Variants in FAM227B observed in about 807,000 individuals in gnomAD.
The protein encoded by FAM227B is protein FAM227B.
Under a neutral mutation model 73.8 loss-of-function variants are expected in FAM227B, and 88 were observed. The observed-to-expected ratio is 1.19, with a 90% confidence interval of 1.00 to 1.42. The LOEUF (loss-of-function observed/expected upper bound fraction) is 1.42, where lower values mean the gene tolerates loss of function less well. Among genes scored for constraint, FAM227B ranks in the 40% most tolerant of loss-of-function variants. FAM227B has a pLI of 0.00. For synonymous variants in FAM227B, 210 were observed against 190.5 expected, an observed-to-expected ratio of 1.10 and a Z score of -0.84; for missense variants, 632 against 590.9, an observed-to-expected ratio of 1.07 and a Z score of -0.72.
intron 11 of FAM227B, among the ~76,000 whole-genome samples, chr15:49,477,927 T>C (rs1449074360): frequency 6.6e-6 from 1 of 152,222 alleles, no homozygotes; most frequent in Admixed American, 6.5e-5. Flanking sequence ...TTTTAAATAA[T>C]TTCAACTTTT....
chr15:49,489,803 T>TTATATATATATATATATATTA (rs1197091289), intron 11 of FAM227B, among the ~76,000 whole-genome samples: 1 of 57,276 alleles, frequency 1.7e-5, no homozygotes, highest in Non-Finnish European at 3.7e-5. Context: ...TATATATATT[T>TTATATATATATATATATATTA]TATATATATA....
At chr15:49,554,533 G>A (rs1567566332) in intron 9 of FAM227B, among the ~76,000 whole-genome samples, 3 of 152,206 alleles carry the variant, frequency 2.0e-5, no homozygotes, top group African/African-American at 7.2e-5. Flanking sequence ...TCTGTGGGCC[G>A]GTATCAGCTG....
chr15:49,400,721 G>C lies in FAM227B; in HGVS notation c.1013-29322C>G, dbSNP rs1057493502. Among the ~76,000 whole-genome samples, 14 of 150,508 alleles carry C rather than the reference G, an allele frequency of 9.3e-5. No individual in the cohort carries two copies. The South Asian group carries it at 1.7e-3, about 19-fold the overall frequency. ...ACATATCTACAACCATCTGATCTTT[G>C]ACAAACCTGAGAAAAACAAGGAATG... On this transcript the variant is annotated intron_variant, in intron 11 of 15. Transcript: ENST00000299338.
chr15:49,556,604 A>C (rs1030351348), intron 9 of FAM227B, among the ~76,000 whole-genome samples: 1 of 152,182 alleles, frequency 6.6e-6, no homozygotes, highest in African/African-American at 2.4e-5. Context: ...GAGGCAGCCC[A>C]TTTGGGCATC....
Position 49,548,652 on chromosome 15 carries a change from C to T in FAM227B, c.748-6846G>A, listed in dbSNP as rs551248552. 4.6e-5 allele frequency among the ~76,000 whole-genome samples: 7 copies of T among 152,248 alleles called. 1 individual carries two copies. In the South Asian group the frequency reaches 1.5e-3, roughly 32 times the overall value. On this transcript the variant is annotated intron_variant, in intron 9 of 15. Coordinates refer to ENST00000299338, the MANE Select transcript of FAM227B (RefSeq NM_152647.3). ...GAATTCAGCAGTGAAGCCAGCAAGT[C>T]CTGGGCTTTTCCTTACTGGGGTACT...
chr15:49,430,886 T>C (rs774334639), intron 11 of FAM227B, among the ~76,000 whole-genome samples: 7 of 146,878 alleles, frequency 4.8e-5, no homozygotes, highest in Non-Finnish European at 1.1e-4. Context: ...ATTCAAACCA[T>C]AGCAAGGGTC....
intron 9 of FAM227B, among the ~76,000 whole-genome samples, chr15:49,555,226 G>A (rs1053840960): frequency 5.9e-5 from 9 of 152,194 alleles, no homozygotes; most frequent in East Asian, 1.9e-4. Context: ...CACTCTCTTC[G>A]GGACCTCTTA....
At chr15:49,478,288 GTGTA>G (rs2055553597) in intron 11 of FAM227B, among the ~76,000 whole-genome samples, 4 of 151,612 alleles carry the variant, frequency 2.6e-5, no homozygotes, top group African/African-American at 9.7e-5. Flanking sequence ...TTTGCCCTTT[GTGTA>G]TCTTTAGTGA....
chr15:49,573,701 C>T (rs926535280), intron 8 of FAM227B, among the ~76,000 whole-genome samples: 2 of 152,190 alleles, frequency 1.3e-5, no homozygotes, highest in Admixed American at 1.3e-4. Flanking sequence ...CCAATTCATT[C>T]TGTTCATTAT....
rs374956037 is a variant in FAM227B at position 49,588,113 on chromosome 15, A to G, written c.338-30T>C. The G allele has an allele frequency of 1.3e-5, 16 of 1,231,744 alleles. 1 individual carries two copies. The highest frequency in any genetic ancestry group is 8.0e-5 in the South Asian group (4 of 49,986). 76.3% of individuals were successfully genotyped at this position (1,231,744 alleles called of 1,614,324 possible). ...AAGAAAATAAGAATTCACAGTATATATATTATACATATGAACCTCCTCTAA... is the reference window on the plus strand; with the variant it reads ...AAGAAAATAAGAATTCACAGTATATGTATTATACATATGAACCTCCTCTAA... On this transcript the variant is annotated intron_variant, in intron 4 of 15. Transcript: ENST00000299338.
intron 9 of FAM227B, 78 bp downstream of exon 9, chr15:49,568,167 G>T (rs957787796): frequency 4.1e-6 from 5 of 1,233,502 alleles, no homozygotes; most frequent in African/African-American, 3.1e-5. Context: ...TTCTCATATG[G>T]GTTTAAATAA....
chr15:49,431,745 A>G (rs2050642203), intron 11 of FAM227B, among the ~76,000 whole-genome samples: 1 of 151,814 alleles, frequency 6.6e-6, no homozygotes, highest in African/African-American at 2.4e-5. Context: ...GACTTTACAT[A>G]AAAATTATTG....
intron 3 of FAM227B, among the ~76,000 whole-genome samples, chr15:49,594,104 T>A: frequency 6.6e-6 from 1 of 152,148 alleles, no homozygotes; most frequent in East Asian, 1.9e-4. Context: ...TATAATTTTT[T>A]AATTTTGGCA....
At chr15:49,546,175 T>A (rs868065180) in intron 9 of FAM227B, among the ~76,000 whole-genome samples, 130 of 152,234 alleles carry the variant, frequency 8.5e-4, no homozygotes, top group African/African-American at 3.1e-3. Context: ...GTTCTCATTG[T>A]TCAATTCCCA....
intron 11 of FAM227B, among the ~76,000 whole-genome samples, chr15:49,437,184 G>A (rs937975922): frequency 1.3e-5 from 2 of 151,302 alleles, no homozygotes; most frequent in Admixed American, 1.3e-4. Context: ...ATATTAAATT[G>A]TATATATACA....
intron 11 of FAM227B, among the ~76,000 whole-genome samples, chr15:49,480,798 T>A (rs566945198): frequency 6.6e-6 from 1 of 152,028 alleles, no homozygotes; most frequent in African/African-American, 2.4e-5. Context: ...CTTTGTAAAG[T>A]GCAGTAAAGA....
intron 11 of FAM227B, among the ~76,000 whole-genome samples, chr15:49,453,498 A>T (rs1041120621): frequency 6.6e-6 from 1 of 152,136 alleles, no homozygotes; most frequent in Non-Finnish European, 1.5e-5. Flanking sequence ...ACACACCTTA[A>T]TTCCAACTAT....
intron 11 of FAM227B, among the ~76,000 whole-genome samples, chr15:49,398,174 C>CA (rs999755172): frequency 6.6e-6 from 1 of 151,624 alleles, no homozygotes; most frequent in Non-Finnish European, 1.5e-5. Flanking sequence ...CAATGGAAAA[C>CA]AAAAAAAGGC....
At chr15:49,596,759 A>C (rs1436777166) in intron 3 of FAM227B, among the ~76,000 whole-genome samples, 1 of 152,026 alleles carries the variant, frequency 6.6e-6, no homozygotes, top group African/African-American at 2.4e-5. Context: ...ACATAAACTT[A>C]AGGTAAAGGG....
Sources: allele counts gnomAD v4.1 joint callset (sites outside exome capture counted in the v4.1 genomes callset), GRCh38; gene constraint gnomAD v4.1.1; transcripts MANE v1.5; gene names NCBI Gene and HGNC (gene_info 2026-07-23, HGNC 2026-07-21).